The following SLC9C1 variants were observed in gnomAD, a reference collection of about 807,000 sequenced individuals.
The protein encoded by SLC9C1 is solute carrier family 9 member C1.
In SLC9C1, 97 loss-of-function variants were observed where a neutral mutation model predicts 140.9. That is an observed-to-expected ratio of 0.69 (90% CI 0.58 to 0.82). The LOEUF is 0.82. Ranked by LOEUF, SLC9C1 falls within the 40% of genes least tolerant of loss-of-function variation. The pLI is 0.00. For synonymous variants in SLC9C1, 440 were observed against 442.6 expected (o/e 0.99, Z 0.07); for missense variants, 1,340 against 1,389.3 (o/e 0.96, Z 0.56).
intron 20 of SLC9C1, among the ~76,000 whole-genome samples, chr3:112,188,609 C>T (rs1370205802): frequency 6.6e-6 from 1 of 152,116 alleles, no homozygotes; most frequent in African/African-American, 2.4e-5. Flanking sequence ...TGTATATGTG[C>T]CACATTTTCT....
At chr3:112,184,955 G>A (rs2077504722) in intron 20 of SLC9C1, among the ~76,000 whole-genome samples, 1 of 152,154 alleles carries the variant, frequency 6.6e-6, no homozygotes, top group Non-Finnish European at 1.5e-5. Flanking sequence ...GCATCACAGA[G>A]CACATTAGAA....
chr3:112,237,645 A>G (rs1000711016), intron 12 of SLC9C1, among the ~76,000 whole-genome samples: 1 of 152,162 alleles, frequency 6.6e-6, no homozygotes, highest in African/African-American at 2.4e-5. Context: ...CTTGTAGGGC[A>G]GGCCTGGTGG....
At chr3:112,218,141 A>G (rs1036051595) in intron 14 of SLC9C1, among the ~76,000 whole-genome samples, 1 of 150,814 alleles carries the variant, frequency 6.6e-6, no homozygotes, top group African/African-American at 2.4e-5. Context: ...TTTTGGTAGC[A>G]CTTGTCCCAA....
At chr3:112,221,079 CT>C in intron 14 of SLC9C1, 48 bp downstream of exon 14, 1 of 1,506,998 alleles carries the variant, frequency 6.6e-7, no homozygotes, top group South Asian at 1.2e-5. Context: ...GGGTAATTTC[CT>C]AAATGCTGTG....
intron 26 of SLC9C1, among the ~76,000 whole-genome samples, chr3:112,165,230 G>T (rs925328708): frequency 6.6e-6 from 1 of 152,022 alleles, no homozygotes; most frequent in Non-Finnish European, 1.5e-5. Flanking sequence ...TCCTCCTTTA[G>T]CTCAGAGATG....
At chr3:112,293,309 G>A (rs1257700376) in intron 1 of SLC9C1, among the ~76,000 whole-genome samples, 1 of 151,424 alleles carries the variant, frequency 6.6e-6, no homozygotes, top group African/African-American at 2.4e-5. Flanking sequence ...TCTCATGTTA[G>A]CTAATATCTC....
In SLC9C1 at chr3:112,200,901, T is replaced by A; in HGVS notation, c.2323-139A>T. The A allele has an allele frequency of 6.9e-6, 5 of 719,726 alleles. No individual in the cohort carries two copies. In the South Asian group the frequency reaches 9.9e-5, roughly 14 times the overall value. The allele number at this position is 719,726 out of a possible 1,614,324, so 44.6% of individuals were successfully genotyped here. A position where few individuals can be genotyped will look rare whatever the true frequency, so the allele number is the denominator to read the frequency against. On this transcript the variant is annotated intron_variant, in intron 18 of 28. Transcript: ENST00000305815. Reference sequence around the variant, plus strand: ...ATGAAGAGGTTTTCAGGGGTTCGAATTGAATTTTGTGCCGCAGCACTTTTT... The same window carrying A: ...ATGAAGAGGTTTTCAGGGGTTCGAAATGAATTTTGTGCCGCAGCACTTTTT...
intron 10 of SLC9C1, among the ~76,000 whole-genome samples, chr3:112,250,910 A>AT (rs2079437314): frequency 1.3e-5 from 2 of 152,202 alleles, no homozygotes; most frequent in Admixed American, 1.3e-4. Flanking sequence ...GAGAATATAA[A>AT]TTGTTCTACC....
chr3:112,217,500 T>C lies in SLC9C1; in HGVS notation c.1732A>G (p.Arg578Gly), dbSNP rs763626660. Residue 578 changes from arginine to glycine, a missense_variant, in exon 15 of 29, where the codon AGA (arginine) becomes GGA (glycine). Arg to Gly is a moderately radical substitution (Grantham distance 125). Coordinates refer to ENST00000305815, the MANE Select transcript of SLC9C1 (RefSeq NM_183061.3). ...TACACCCAATTAAGTAGTAGTTTTC[T>C]AGCAAAGGTAACTGTTTTTTGGCTT... is the stretch of plus-strand genomic sequence containing the variant. ...SESQKTVTFA[R>G]KLLLNWVYNT... 6.2e-7 allele frequency: 1 copy of C among 1,610,804 alleles called. No homozygotes were observed. The highest frequency in any genetic ancestry group is 8.5e-7 in the Non-Finnish European group (1 of 1,178,924).
chr3:112,266,343 A>G lies in SLC9C1; in HGVS notation c.776-3T>C. ...TCCTGACATTCCAACTAACTCACCTATTTTTAAAAAGAAATAAATATAAAG... is the reference window on the plus strand; with the variant it reads ...TCCTGACATTCCAACTAACTCACCTGTTTTTAAAAAGAAATAAATATAAAG... On this transcript the variant is annotated splice_region_variant and splice_polypyrimidine_tract_variant and intron_variant, in intron 7 of 28. Coordinates refer to ENST00000305815, the MANE Select transcript of SLC9C1 (RefSeq NM_183061.3). 6.3e-7 allele frequency: 1 copy of G among 1,588,338 alleles called. No homozygotes were observed. Among genetic ancestry groups the G allele is most frequent in the African/African-American group, 1.4e-5 (1 of 74,028 alleles).
At chr3:112,193,925 CA>C (rs2077717619) in intron 20 of SLC9C1, among the ~76,000 whole-genome samples, 1 of 152,092 alleles carries the variant, frequency 6.6e-6, no homozygotes, top group Admixed American at 6.5e-5. Context: ...CAGTTTCACA[CA>C]ACTGGGTTTG....
chr3:112,212,859 C>T (rs2399408), intron 15 of SLC9C1, among the ~76,000 whole-genome samples: 69,037 of 151,868 alleles, frequency 0.45, 16,179 homozygotes, highest in East Asian at 0.63. Flanking sequence ...CAGAGAATGC[C>T]ACAAAGATAC....
intron 2 of SLC9C1, among the ~76,000 whole-genome samples, chr3:112,285,953 G>A (rs753957514): frequency 1.3e-5 from 2 of 151,984 alleles, no homozygotes; most frequent in African/African-American, 2.4e-5. Context: ...TTGTTGAGAC[G>A]AGGTTTTGCT....
chr3:112,283,980 T>G (rs2080433348), intron 2 of SLC9C1, among the ~76,000 whole-genome samples: 1 of 152,186 alleles, frequency 6.6e-6, no homozygotes, highest in South Asian at 2.1e-4. Flanking sequence ...ATAGTAGTGT[T>G]GCCTCCGCGA....
rs575294727 is a variant in SLC9C1, at chr3:112,249,924, A to T, written c.1198-5848T>A. On this transcript the variant is annotated intron_variant, in intron 10 of 28. Coordinates refer to ENST00000305815, the MANE Select transcript of SLC9C1 (RefSeq NM_183061.3). Reference sequence around the variant, plus strand: ...ATCGATGTTTTCTATGTTTTTTTTTAAATTATACTTTAAGTTTTAGGGTAC... The same window carrying T: ...ATCGATGTTTTCTATGTTTTTTTTTTAATTATACTTTAAGTTTTAGGGTAC... Among the ~76,000 whole-genome samples, 80 of 151,648 alleles carry T rather than the reference A, an allele frequency of 5.3e-4. No homozygotes were observed. The South Asian group carries it at 5.6e-3, about 11-fold the overall frequency.
At chr3:112,292,129 G>A (rs1488019042) in intron 1 of SLC9C1, among the ~76,000 whole-genome samples, 1 of 152,174 alleles carries the variant, frequency 6.6e-6, no homozygotes, top group Non-Finnish European at 1.5e-5. Context: ...GATGGTGGGA[G>A]GAGAGAGAGG....
At chr3:112,154,900 C>CT (rs1414909576) in intron 27 of SLC9C1, 97 bp downstream of exon 27, 22 of 1,232,522 alleles carry the variant, frequency 1.8e-5, no homozygotes, top group Non-Finnish European at 2.5e-5. Flanking sequence ...AGCAGATGAA[C>CT]TTTTTCAGAA....
At chr3:112,200,556 A>G (rs986045832) in intron 19 of SLC9C1, among the ~76,000 whole-genome samples, 155 bp downstream of exon 19, 2 of 152,126 alleles carry the variant, frequency 1.3e-5, no homozygotes, top group African/African-American at 4.8e-5. Context: ...CATCTCAACT[A>G]GAAAATAAGA....
At chr3:112,246,455 T>G (rs1264506626) in intron 10 of SLC9C1, among the ~76,000 whole-genome samples, 4 of 152,180 alleles carry the variant, frequency 2.6e-5, no homozygotes. Context: ...TCTTGGTAAG[T>G]TATGAGCAAT....
Sources: gnomAD v4.1 joint callset for allele counts (sites outside exome capture counted in the v4.1 genomes callset) on GRCh38, gnomAD v4.1.1 for gene constraint, MANE v1.5 for transcripts, NCBI Gene and HGNC (gene_info 2026-07-23, HGNC 2026-07-21) for gene names.